Variants in SERPINB7 observed in about 807,000 individuals in gnomAD.
SERPINB7 encodes serpin B7.
A neutral mutation model predicts 37.4 loss-of-function variants in SERPINB7; 31 were observed. The observed-to-expected ratio is 0.83, with a 90% confidence interval of 0.62 to 1.12. SERPINB7 has a LOEUF of 1.12. Ranked by LOEUF, SERPINB7 falls within the 50% of genes most tolerant of loss-of-function variation. SERPINB7 has a pLI of 0.00. For synonymous variants in SERPINB7, 163 were observed against 166.1 expected (o/e 0.98, Z 0.14); for missense variants, 521 against 455.3 (o/e 1.14, Z -1.31).
chr18:63,783,173 A>G (rs948010277), intron 2 of SERPINB7, among the ~76,000 whole-genome samples: 5 of 102,610 alleles, frequency 4.9e-5, no homozygotes, highest in Non-Finnish European at 7.3e-5. Flanking sequence ...AAAAGAAAAT[A>G]AAGAAAGAAA....
intron 5 of SERPINB7, 39 bp from the exon 6 acceptor site, chr18:63,798,565 T>C: frequency 6.7e-7 from 1 of 1,482,870 alleles, no homozygotes; most frequent in Non-Finnish European, 9.1e-7. Flanking sequence ...TAAAATTATA[T>C]TAAAATAAAC....
chr18:63,774,500 C>T (rs139432511), upstream of SERPINB7, among the ~76,000 whole-genome samples: 1 of 152,156 alleles, frequency 6.6e-6, no homozygotes, highest in Non-Finnish European at 1.5e-5. Flanking sequence ...ATGCTACGGC[C>T]AGAAACTGAA....
chr18:63,779,804 G>T (rs1330585429), intron 1 of SERPINB7, among the ~76,000 whole-genome samples: 1 of 152,020 alleles, frequency 6.6e-6, no homozygotes, highest in Non-Finnish European at 1.5e-5. Context: ...TTTAGAAAAT[G>T]AAAATTTGTG....
intron 4 of SERPINB7, among the ~76,000 whole-genome samples, chr18:63,793,931 T>C (rs2049456684): frequency 6.6e-6 from 1 of 150,404 alleles, no homozygotes; most frequent in Non-Finnish European, 1.5e-5. Context: ...GGCTTCTAGC[T>C]CTTCTAGAGC....
At chr18:63,780,602 G>A (rs1241550902) in intron 1 of SERPINB7, among the ~76,000 whole-genome samples, 2 of 151,994 alleles carry the variant, frequency 1.3e-5, no homozygotes, top group Non-Finnish European at 2.9e-5. Flanking sequence ...CTTTTTACCC[G>A]GGATTGCTTG....
At chr18:63,755,387 G>T (rs1049839396) in intron 1 of SERPINB7, among the ~76,000 whole-genome samples, 1 of 152,066 alleles carries the variant, frequency 6.6e-6, no homozygotes, top group African/African-American at 2.4e-5. Flanking sequence ...GATTGCAGGA[G>T]GCATGAATAG....
At chr18:63,800,540 C>T (rs762898220) in intron 6 of SERPINB7, among the ~76,000 whole-genome samples, 9 of 152,132 alleles carry the variant, frequency 5.9e-5, no homozygotes, top group Non-Finnish European at 1.2e-4. Context: ...TATATTAATT[C>T]ACATAATCCT....
intron 1 of SERPINB7, among the ~76,000 whole-genome samples, chr18:63,758,199 T>C (rs1458459833): frequency 2.6e-5 from 4 of 152,218 alleles, no homozygotes; most frequent in Non-Finnish European, 5.9e-5. Context: ...ATGATCAATG[T>C]GATCTTAAAA....
chr18:63,772,972 A>C (rs987249052), upstream of SERPINB7, among the ~76,000 whole-genome samples: 2 of 152,156 alleles, frequency 1.3e-5, no homozygotes, highest in African/African-American at 4.8e-5. Context: ...TCATGTCAAA[A>C]GTAAAAGAGA....
At chr18:63,803,343 A>G (rs1228034239) in intron 7 of SERPINB7, among the ~76,000 whole-genome samples, 1 of 152,220 alleles carries the variant, frequency 6.6e-6, no homozygotes, top group Admixed American at 6.5e-5. Context: ...TTGATTGTAT[A>G]AATTTAGGTC....
intron 7 of SERPINB7, among the ~76,000 whole-genome samples, chr18:63,802,013 T>C (rs2049555167): frequency 6.6e-6 from 1 of 152,184 alleles, no homozygotes; most frequent in Non-Finnish European, 1.5e-5. Context: ...GATCCTTGCT[T>C]TACATTCAAA....
intron 4 of SERPINB7, among the ~76,000 whole-genome samples, chr18:63,795,495 A>C (rs759100504): frequency 4.0e-5 from 6 of 151,584 alleles, no homozygotes; most frequent in Non-Finnish European, 7.4e-5. Flanking sequence ...CAGGAGGCAG[A>C]TGTTGCAGTG....
In SERPINB7 at chr18:63,796,477, A is replaced by G. The variant is rs1040937998; in HGVS notation, c.454+94A>G. On this transcript the variant is annotated intron_variant, in intron 5 of 7. Coordinates refer to ENST00000398019, the MANE Select transcript of SERPINB7 (RefSeq NM_003784.4). ...TGGGAGTCTTTTGTACATACAAGGA[A>G]CAGCTCCTCCTAGTTCAAAGTAATG... 12 of 666,244 alleles carry G rather than the reference A, an allele frequency of 1.8e-5. No individual in the cohort carries two copies. The African/African-American group carries it at 2.2e-4, about 12-fold the overall frequency. 41.3% of individuals were successfully genotyped at this position (666,244 alleles called of 1,614,324 possible). A position where few individuals can be genotyped will look rare whatever the true frequency, so the allele number is the denominator to read the frequency against.
intron 1 of SERPINB7, among the ~76,000 whole-genome samples, chr18:63,756,868 C>G (rs1253964436): frequency 4.2e-5 from 6 of 143,562 alleles, no homozygotes; most frequent in African/African-American, 1.3e-4. Flanking sequence ...AATAAAGAAA[C>G]TTATAAAGAC....
At chr18:63,774,745 G>C (rs539940220), upstream of SERPINB7, among the ~76,000 whole-genome samples, 15 of 152,208 alleles carry the variant, frequency 9.9e-5, no homozygotes, top group Admixed American at 8.5e-4. Flanking sequence ...AACACACCAA[G>C]TTTCAGCTCC....
At chr18:63,776,331 C>A (rs569045605) in intron 1 of SERPINB7, among the ~76,000 whole-genome samples, 2 of 152,136 alleles carry the variant, frequency 1.3e-5, no homozygotes, top group South Asian at 4.2e-4. Flanking sequence ...CTAGGGGTAA[C>A]TAAAGCAGTT....
At chr18:63,783,224 G>GAAAGAA (rs1417968311) in intron 2 of SERPINB7, among the ~76,000 whole-genome samples, 17 of 54,234 alleles carry the variant, frequency 3.1e-4, no homozygotes, top group African/African-American at 1.1e-3. Flanking sequence ...GAGAGAGAGA[G>GAAAGAA]AGAGAGAGAG....
chr18:63,789,959 G>T (rs529914327), intron 2 of SERPINB7, among the ~76,000 whole-genome samples: 1 of 152,118 alleles, frequency 6.6e-6, no homozygotes, highest in Non-Finnish European at 1.5e-5. Flanking sequence ...TTGTTCAAGG[G>T]TCTCTGTCAC....
intron 1 of SERPINB7, among the ~76,000 whole-genome samples, chr18:63,766,607 A>G (rs1182682440): frequency 2.0e-5 from 3 of 152,022 alleles, no homozygotes; most frequent in African/African-American, 7.2e-5. Flanking sequence ...ATTTTGCAGG[A>G]ATGTTCTTCT....
Sources: gnomAD v4.1 joint callset for allele counts (sites outside exome capture counted in the v4.1 genomes callset) on GRCh38, gnomAD v4.1.1 for gene constraint, MANE v1.5 for transcripts, NCBI Gene and HGNC (gene_info 2026-07-23, HGNC 2026-07-21) for gene names.